The following DLG2 variants were observed in gnomAD, a reference collection of about 807,000 sequenced individuals.
The protein encoded by DLG2 is disks large homolog 2.
Under a neutral mutation model 132.5 loss-of-function variants are expected in DLG2, and 45 were observed. That is an observed-to-expected ratio of 0.34 (90% CI 0.27 to 0.44). The LOEUF (loss-of-function observed/expected upper bound fraction) is 0.44, where lower values mean the gene tolerates loss of function less well. Among genes scored for constraint, DLG2 ranks in the 20% least tolerant of loss-of-function variants. The pLI is 1.00. For missense variants in DLG2, 1,045 were observed against 1,196.9 expected (o/e 0.87, Z 1.87); for synonymous variants, 424 against 419.6 (o/e 1.01, Z -0.13).
In DLG2 at chr11:84,345,200, T is replaced by C. The variant is rs545830474; in HGVS notation, c.520-93909A>G. Among the ~76,000 whole-genome samples the C allele has an allele frequency of 3.9e-5, 6 of 152,308 alleles. 1 individual carries two copies. The highest frequency in any genetic ancestry group is 1.2e-4 in the African/African-American group (5 of 41,568). ...TTCCCATAGATCATCTTTCCAAATG[T>C]GGGCCAGCAGGAACAAATTTTATGC... On this transcript the variant is annotated intron_variant, in intron 7 of 27. Coordinates refer to ENST00000376104, the MANE Select transcript of DLG2 (RefSeq NM_001142699.3).
intron 7 of DLG2, among the ~76,000 whole-genome samples, chr11:84,396,097 G>C (rs1413889485): frequency 6.6e-6 from 1 of 152,178 alleles, no homozygotes; most frequent in Non-Finnish European, 1.5e-5. Flanking sequence ...TTAGGCCACT[G>C]ACATTCTACT....
Position 84,395,012 on chromosome 11 carries a change from T to C in DLG2, c.519+139558A>G, listed in dbSNP as rs974759404. Among the ~76,000 whole-genome samples the C allele has an allele frequency of 2.0e-5, 3 of 152,204 alleles. No homozygotes were observed. The South Asian group carries it at 6.2e-4, about 31-fold the overall frequency. On this transcript the variant is annotated intron_variant, in intron 7 of 27. Coordinates refer to ENST00000376104, the MANE Select transcript of DLG2 (RefSeq NM_001142699.3). ...ACTCACCAGTCCTCACCTAGCTCAA[T>C]GTCCTCTCACTTCTCATATTTCCCA...
chr11:84,831,672 T>G (rs1387035648), intron 6 of DLG2, among the ~76,000 whole-genome samples: 2 of 151,494 alleles, frequency 1.3e-5, no homozygotes, highest in African/African-American at 4.8e-5. Context: ...CACTGCCTAA[T>G]AAACATCTAC....
intron 14 of DLG2, among the ~76,000 whole-genome samples, chr11:83,937,179 G>A (rs790368): frequency 0.99 from 150,690 of 152,250 alleles, 74,577 homozygotes; most frequent in East Asian, 1. Context: ...TAAATAGGAG[G>A]AATCACATAA....
At chr11:84,839,299 C>A (rs942749714) in intron 6 of DLG2, among the ~76,000 whole-genome samples, 2 of 152,004 alleles carry the variant, frequency 1.3e-5, no homozygotes, top group South Asian at 2.1e-4. Flanking sequence ...ATGCGAAGGA[C>A]CTCTTCAAGG....
At chr11:83,481,477 A>G (rs1420680832) in intron 22 of DLG2, among the ~76,000 whole-genome samples, 1 of 152,138 alleles carries the variant, frequency 6.6e-6, no homozygotes, top group Non-Finnish European at 1.5e-5. Context: ...AAAGAGAAAA[A>G]TAATATATAA....
chr11:84,262,563 G>A (rs563097258), intron 7 of DLG2, among the ~76,000 whole-genome samples: 58 of 152,106 alleles, frequency 3.8e-4, no homozygotes, highest in Middle Eastern at 3.4e-3. Context: ...TGGGGTACAG[G>A]TGGTATTTGG....
chr11:84,350,202 A>T (rs866021183), intron 7 of DLG2, among the ~76,000 whole-genome samples: 23 of 147,776 alleles, frequency 1.6e-4, no homozygotes, highest in Non-Finnish European at 2.8e-4. Context: ...AAAAAAAAAA[A>T]TCCAGGCTAA....
intron 9 of DLG2, among the ~76,000 whole-genome samples, chr11:84,150,869 T>A (rs749606276): frequency 2.6e-5 from 4 of 152,216 alleles, no homozygotes; most frequent in Non-Finnish European, 4.4e-5. Flanking sequence ...GATCATCATA[T>A]GAATTTTGTT....
At chr11:85,400,840 A>T (rs1267450182) in intron 3 of DLG2, among the ~76,000 whole-genome samples, 1 of 151,706 alleles carries the variant, frequency 6.6e-6, no homozygotes, top group Non-Finnish European at 1.5e-5. Context: ...CTAAATGACG[A>T]GTTAATGAGT....
intron 19 of DLG2, chr11:83,632,436 A>G (rs1396192017): frequency 1.3e-5 from 2 of 152,176 alleles, no homozygotes; most frequent in East Asian, 3.9e-4. Context: ...TTAATTAGGC[A>G]TCACTTTCTT....
chr11:84,778,898 G>A (rs1003225063), intron 6 of DLG2, among the ~76,000 whole-genome samples: 8 of 152,088 alleles, frequency 5.3e-5, no homozygotes, highest in South Asian at 2.1e-4. Context: ...GAGTCTTCCC[G>A]CCTTTCTATT....
At chr11:85,220,273 G>T (rs1009878676) in intron 4 of DLG2, among the ~76,000 whole-genome samples, 3 of 152,038 alleles carry the variant, frequency 2.0e-5, no homozygotes, top group African/African-American at 7.2e-5. Flanking sequence ...GTTTAACGTG[G>T]TGACTAAAGA....
At chr11:85,187,384 T>C (rs1221805080) in intron 4 of DLG2, among the ~76,000 whole-genome samples, 2 of 152,158 alleles carry the variant, frequency 1.3e-5, no homozygotes, top group Non-Finnish European at 2.9e-5. Flanking sequence ...TAACGGTTCA[T>C]TGCCTATTAG....
intron 16 of DLG2, among the ~76,000 whole-genome samples, chr11:83,874,074 C>T (rs937209689): frequency 1.3e-5 from 2 of 149,964 alleles, no homozygotes; most frequent in Non-Finnish European, 1.5e-5. Context: ...TAGATATTTG[C>T]TGATTGAAAG....
chr11:85,513,892 T>C (rs554090101), intron 3 of DLG2, among the ~76,000 whole-genome samples: 48 of 152,114 alleles, frequency 3.2e-4, no homozygotes, highest in Non-Finnish European at 6.2e-4. Context: ...GTCCTATTAA[T>C]TACCTTTCTA....
At chr11:83,675,440 A>G (rs2077519038) in intron 18 of DLG2, among the ~76,000 whole-genome samples, 1 of 152,258 alleles carries the variant, frequency 6.6e-6, no homozygotes, top group Admixed American at 6.5e-5. Flanking sequence ...CACTTGAGTT[A>G]CTGCATAAGT....
intron 9 of DLG2, among the ~76,000 whole-genome samples, chr11:84,128,866 C>T (rs11233910): frequency 0.077 from 11,677 of 152,118 alleles, 531 homozygotes; most frequent in African/African-American, 0.12. Flanking sequence ...GTACTTCCTC[C>T]AACTTCAGAG....
chr11:83,924,416 T>C (rs1226155743), intron 15 of DLG2, among the ~76,000 whole-genome samples: 3 of 152,140 alleles, frequency 2.0e-5, no homozygotes, highest in Non-Finnish European at 4.4e-5. Context: ...GGGCTGATAG[T>C]CTACAGAACT....
Sources: allele counts gnomAD v4.1 joint callset (sites outside exome capture counted in the v4.1 genomes callset), GRCh38; gene constraint gnomAD v4.1.1; transcripts MANE v1.5; gene names NCBI Gene and HGNC (gene_info 2026-07-23, HGNC 2026-07-21).